NRG1: variants seen among roughly 807,000 people sequenced by gnomAD.
The protein encoded by NRG1 is pro-neuregulin-1, membrane-bound isoform.
In NRG1, 18 loss-of-function variants were observed where a neutral mutation model predicts 63.8. The observed-to-expected ratio is 0.28, with a 90% CI of 0.19 to 0.42. NRG1 has a LOEUF of 0.42. Ranked by LOEUF, NRG1 falls within the 10% of genes least tolerant of loss-of-function variation. The pLI, the probability that NRG1 is intolerant of heterozygous loss-of-function variation, is 1.00. For synonymous variants in NRG1, 302 were observed against 301.3 expected, an observed-to-expected ratio of 1.00 and a Z score of -0.02; for missense variants, 762 against 814.7, an observed-to-expected ratio of 0.94 and a Z score of 0.79.
At chr8:32,448,608 A>AG (rs553508856) in intron 1 of NRG1, among the ~76,000 whole-genome samples, 27 of 152,270 alleles carry the variant, frequency 1.8e-4, no homozygotes, top group Non-Finnish European at 3.7e-4. Flanking sequence ...GGTAACCGCA[A>AG]GATGAGGCAA....
At chr8:32,746,589 G>A (rs541851588) in intron 7 of NRG1, among the ~76,000 whole-genome samples, 3 of 152,200 alleles carry the variant, frequency 2.0e-5, no homozygotes, top group East Asian at 1.9e-4. Context: ...AAGGATTCGT[G>A]AGTCAATATT....
chr8:31,821,487 T>A (rs1824002860), intron 1 of NRG1, among the ~76,000 whole-genome samples: 1 of 152,196 alleles, frequency 6.6e-6, no homozygotes, highest in Non-Finnish European at 1.5e-5. Context: ...GAGTTTAAGA[T>A]CTTTTTCTAA....
intron 1 of NRG1, among the ~76,000 whole-genome samples, chr8:31,677,145 G>T (rs952987390): frequency 6.6e-6 from 1 of 152,090 alleles, no homozygotes; most frequent in Non-Finnish European, 1.5e-5. Context: ...TTGAAATTTT[G>T]CTTAGGTCTT....
chr8:32,501,103 C>G (rs75222142), intron 1 of NRG1, among the ~76,000 whole-genome samples: 2 of 152,134 alleles, frequency 1.3e-5, no homozygotes, highest in Admixed American at 6.5e-5. Context: ...CAGCTGACTG[C>G]GTGAGCCTTC....
chr8:32,182,495 C>T (rs1390295767), intron 1 of NRG1, among the ~76,000 whole-genome samples: 1 of 152,188 alleles, frequency 6.6e-6, no homozygotes, highest in Non-Finnish European at 1.5e-5. Context: ...GATATGCCTG[C>T]CTCAGCCTCC....
rs369161680 is a variant in NRG1, at chr8:31,667,795, G to T, written c.37+28364G>T. 7.2e-5 allele frequency among the ~76,000 whole-genome samples: 11 copies of T among 152,146 alleles called. No homozygotes were observed. In the East Asian group the frequency reaches 9.6e-4, roughly 13 times the overall value. The stretch of plus-strand genomic sequence containing the variant: ...GTCACTTTAATTGAAAAGTAGAAAA[G>T]CAGAAAGAAAGAGTATCCTAAAATT... On this transcript the variant is annotated intron_variant, in intron 1 of 10. Coordinates refer to the NRG1 transcript ENST00000519301.
chr8:31,970,794 G>A (rs987270419), intron 1 of NRG1, among the ~76,000 whole-genome samples: 4 of 151,972 alleles, frequency 2.6e-5, no homozygotes, highest in East Asian at 2.0e-4. Context: ...GCTACCTACC[G>A]TGCTTCTCAA....
At chr8:32,087,821 A>G (rs1168999275) in intron 1 of NRG1, among the ~76,000 whole-genome samples, 2 of 152,160 alleles carry the variant, frequency 1.3e-5, no homozygotes, top group East Asian at 3.8e-4. Context: ...AAGTGAAATC[A>G]TGCAGCATTT....
intron 1 of NRG1, among the ~76,000 whole-genome samples, chr8:31,782,877 G>A (rs1312748190): frequency 2.0e-5 from 3 of 152,132 alleles, no homozygotes; most frequent in Non-Finnish European, 4.4e-5. Context: ...GCACTTTGAG[G>A]AGAAAGACTC....
intron 5 of NRG1, among the ~76,000 whole-genome samples, chr8:32,654,910 G>C (rs2129548183): frequency 6.6e-6 from 1 of 152,196 alleles, no homozygotes; most frequent in Non-Finnish European, 1.5e-5. Flanking sequence ...TATTGTCTCA[G>C]GGTGTTAGCT....
At position 32,647,107 on chromosome 8, in the gene NRG1, C is replaced by A. The variant is rs925891525; in HGVS notation, c.502+30222C>A. ...TGGCTGCACTCTTGCCTCCGGAGCC[C>A]TCTGATCCTGTTTGCAGTGATGCTC... On this transcript the variant is annotated intron_variant, in intron 5 of 11. Transcript: ENST00000356819. The A allele has an allele frequency of 1.9e-5, 19 of 985,348 alleles. No homozygotes were observed. The African/African-American group carries it at 3.1e-4, about 16-fold the overall frequency. 61.0% of individuals were successfully genotyped at this position (985,348 alleles called of 1,614,324 possible).
intron 1 of NRG1, among the ~76,000 whole-genome samples, chr8:32,523,237 A>T (rs1382236699): frequency 6.6e-6 from 1 of 152,170 alleles, no homozygotes; most frequent in East Asian, 1.9e-4. Flanking sequence ...GATTTTCTAC[A>T]TGTACTTCAA....
chr8:32,089,970 A>G (rs1828861000), intron 1 of NRG1, among the ~76,000 whole-genome samples: 1 of 152,188 alleles, frequency 6.6e-6, no homozygotes, highest in Non-Finnish European at 1.5e-5. Flanking sequence ...ATGTGGTGAA[A>G]CAGAACTCCT....
At chr8:32,682,676 A>G (rs1808996659) in intron 5 of NRG1, among the ~76,000 whole-genome samples, 1 of 152,288 alleles carries the variant, frequency 6.6e-6, no homozygotes, top group Admixed American at 6.5e-5. Flanking sequence ...TTATTTTTAC[A>G]TGTACAAAAT....
chr8:32,102,853 C>T (rs1830746386), intron 1 of NRG1, among the ~76,000 whole-genome samples: 3 of 151,926 alleles, frequency 2.0e-5, no homozygotes, highest in African/African-American at 7.3e-5. Flanking sequence ...ACTTCATCCA[C>T]AATTACAATG....
At chr8:31,740,993 A>G (rs1209832436) in intron 1 of NRG1, among the ~76,000 whole-genome samples, 1 of 152,134 alleles carries the variant, frequency 6.6e-6, no homozygotes, top group Non-Finnish European at 1.5e-5. Flanking sequence ...AGTAGACTGG[A>G]TAAAGAAAAT....
chr8:32,739,378 C>T (rs941716638), intron 6 of NRG1, among the ~76,000 whole-genome samples: 1 of 152,090 alleles, frequency 6.6e-6, no homozygotes, highest in African/African-American at 2.4e-5. Flanking sequence ...TCTTATAACA[C>T]TAAGAAACAA....
chr8:31,826,964 C>A (rs1017461166), intron 1 of NRG1, among the ~76,000 whole-genome samples: 8 of 152,102 alleles, frequency 5.3e-5, no homozygotes, highest in Non-Finnish European at 1.2e-4. Context: ...ATTTTATAAA[C>A]CCCTGGAAGG....
intron 1 of NRG1, among the ~76,000 whole-genome samples, chr8:32,027,439 T>A (rs1817572734): frequency 7.9e-6 from 1 of 126,554 alleles, no homozygotes. Context: ...CTTCCTTCCT[T>A]CCTTCCTTCC....
Sources: allele counts gnomAD v4.1 joint callset (sites outside exome capture counted in the v4.1 genomes callset), GRCh38; gene constraint gnomAD v4.1.1; transcripts MANE v1.5; gene names NCBI Gene and HGNC (gene_info 2026-07-23, HGNC 2026-07-21).